The following JAK1 variants were observed in gnomAD, a reference collection of about 807,000 sequenced individuals.
JAK1 encodes Janus kinase 1.
A neutral mutation model predicts 136.6 loss-of-function variants in JAK1; 16 were observed. The observed-to-expected ratio is 0.12, with a 90% confidence interval of 0.08 to 0.18. The LOEUF (loss-of-function observed/expected upper bound fraction) is 0.18. Among genes scored for constraint, JAK1 ranks in the 10% least tolerant of loss-of-function variants. JAK1 has a pLI of 1.00. For missense variants in JAK1, 859 were observed against 1,450.1 expected (o/e 0.59, Z 6.62); for synonymous variants, 492 against 519.5 (o/e 0.95, Z 0.72).
intron 2 of JAK1, among the ~76,000 whole-genome samples, chr1:64,976,454 T>A (rs1646498191): frequency 6.6e-6 from 1 of 152,184 alleles, no homozygotes; most frequent in African/African-American, 2.4e-5. Flanking sequence ...ACCTTGTTGG[T>A]TATTATGGTA....
At chr1:64,839,108 T>C (rs1302086509) in intron 20 of JAK1, among the ~76,000 whole-genome samples, 3 of 123,792 alleles carry the variant, frequency 2.4e-5, no homozygotes, top group South Asian at 2.5e-4. Context: ...ATTGCGCCAC[T>C]GCAGTCCAGC....
intron 1 of JAK1, among the ~76,000 whole-genome samples, chr1:65,064,799 TTC>T (rs1647968699): frequency 6.6e-6 from 1 of 152,202 alleles, no homozygotes; most frequent in Non-Finnish European, 1.5e-5. Flanking sequence ...TGAAACAACC[TTC>T]TCTATCTAGA....
intron 1 of JAK1, among the ~76,000 whole-genome samples, chr1:64,949,482 CACT>C (rs1209760603): frequency 2.6e-5 from 4 of 152,192 alleles, no homozygotes; most frequent in Non-Finnish European, 5.9e-5. Flanking sequence ...TAAAAATCCT[CACT>C]ACAACTTCAC....
chr1:64,842,572 C>G (rs140041150), intron 17 of JAK1, among the ~76,000 whole-genome samples: 110 of 152,216 alleles, frequency 7.2e-4, no homozygotes, highest in Non-Finnish European at 1.5e-3. Context: ...GTCAGTGCAG[C>G]CTGCAGAAAA....
At chr1:64,976,005 G>A (rs1416268967) in intron 2 of JAK1, among the ~76,000 whole-genome samples, 1 of 152,222 alleles carries the variant, frequency 6.6e-6, no homozygotes, top group East Asian at 1.9e-4. Flanking sequence ...TGGGGACCAG[G>A]ATCTTTACCA....
chr1:64,967,639 G>A (rs1014000625), upstream of JAK1, among the ~76,000 whole-genome samples: 1 of 152,156 alleles, frequency 6.6e-6, no homozygotes, highest in African/African-American at 2.4e-5. Flanking sequence ...AACTGAAACT[G>A]AGCAAGATAT....
chr1:64,983,993 C>A (rs1172486118), intron 2 of JAK1, among the ~76,000 whole-genome samples: 1 of 152,168 alleles, frequency 6.6e-6, no homozygotes, highest in Non-Finnish European at 1.5e-5. Context: ...TCCCTAAATT[C>A]TCCTTATTGC....
At chr1:65,058,650 G>A in intron 1 of JAK1, 1 of 409,846 alleles carries the variant, frequency 2.4e-6, no homozygotes, top group Non-Finnish European at 4.9e-6. Context: ...AAGGATCAGA[G>A]CCCAGCAAGT....
chr1:64,917,543 G>A (rs969988148), intron 1 of JAK1, among the ~76,000 whole-genome samples: 5 of 152,184 alleles, frequency 3.3e-5, no homozygotes, highest in African/African-American at 1.2e-4. Context: ...GGATACTTAT[G>A]TTGAGGGCAG....
intron 1 of JAK1, among the ~76,000 whole-genome samples, chr1:64,905,226 C>T (rs986957186): frequency 2.6e-5 from 4 of 152,200 alleles, no homozygotes; most frequent in Admixed American, 1.3e-4. Context: ...GAAACCCTGC[C>T]TCATCTCCAG....
chr1:64,863,291 T>C (rs1015910952), intron 8 of JAK1, among the ~76,000 whole-genome samples: 1 of 143,972 alleles, frequency 6.9e-6, no homozygotes, highest in Non-Finnish European at 1.5e-5. Context: ...CGGGGCCTAA[T>C]ATCCAGGATG....
intron 1 of JAK1, among the ~76,000 whole-genome samples, chr1:65,049,536 G>C (rs988258408): frequency 3.9e-5 from 6 of 152,144 alleles, no homozygotes; most frequent in African/African-American, 7.2e-5. Context: ...CACCCACCTT[G>C]GTGGGCATGA....
intron 1 of JAK1, among the ~76,000 whole-genome samples, chr1:64,893,951 C>T (rs1644976421): frequency 6.6e-6 from 1 of 152,330 alleles, no homozygotes; most frequent in South Asian, 2.1e-4. Context: ...CAAGCATTCA[C>T]CTACTTCTTC....
intron 6 of JAK1, 122 bp downstream of exon 6, chr1:64,869,187 GAT>G: frequency 1.3e-6 from 1 of 780,578 alleles, no homozygotes; most frequent in Non-Finnish European, 2.1e-6. Context: ...TTCTAAGGAA[GAT>G]CTGGGTTTCA....
intron 2 of JAK1, among the ~76,000 whole-genome samples, chr1:65,025,266 C>T (rs558653069): frequency 2.0e-5 from 3 of 152,196 alleles, no homozygotes; most frequent in Admixed American, 6.5e-5. Context: ...ATCCCATTCC[C>T]GAAGCAATGG....
intron 1 of JAK1, among the ~76,000 whole-genome samples, chr1:64,921,447 G>A (rs1645492964): frequency 6.6e-6 from 1 of 152,066 alleles, no homozygotes; most frequent in South Asian, 2.1e-4. Context: ...CCTTTGAAGT[G>A]TACAAAGCAC....
At chr1:64,834,683 G>T (rs369938382) in intron 24 of JAK1, 26 bp from the exon 25 acceptor site, 10 of 1,425,876 alleles carry the variant, frequency 7.0e-6, no homozygotes, top group Non-Finnish European at 8.9e-6. Context: ...AGTAACAACA[G>T]TAAAAATGTT....
intron 1 of JAK1, among the ~76,000 whole-genome samples, chr1:65,055,312 T>C (rs1355301113): frequency 3.9e-5 from 6 of 152,250 alleles, no homozygotes; most frequent in Admixed American, 2.0e-4. Context: ...GGTTCATCCA[T>C]GTTGTAGCAT....
chr1:64,913,340 T>C (rs1483714999), intron 1 of JAK1, among the ~76,000 whole-genome samples: 1 of 152,080 alleles, frequency 6.6e-6, no homozygotes, highest in Non-Finnish European at 1.5e-5. Context: ...TACTGGAACA[T>C]ATGACCACCC....
Sources: allele counts gnomAD v4.1 joint callset (sites outside exome capture counted in the v4.1 genomes callset), GRCh38; gene constraint gnomAD v4.1.1; transcripts MANE v1.5; gene names NCBI Gene and HGNC (gene_info 2026-07-23, HGNC 2026-07-21).